KLRB1: variants seen among roughly 807,000 people sequenced by gnomAD.
KLRB1 encodes killer cell lectin like receptor B1, also known as killer cell lectin-like receptor subfamily B member 1.
In KLRB1, 27 loss-of-function variants were observed where a neutral mutation model predicts 33.5. The ratio of observed to expected loss-of-function variants is 0.81; its 90% CI spans 0.59 to 1.11. KLRB1 has a LOEUF of 1.11. KLRB1 is among the 50% of genes most tolerant of loss of function. The pLI is 0.00. For missense variants in KLRB1, 241 were observed against 254.1 expected (o/e 0.95, Z 0.35); for synonymous variants, 64 against 88.9 (o/e 0.72, Z 1.58).
intron 3 of KLRB1, among the ~76,000 whole-genome samples, chr12:9,599,563 A>T (rs972161163): frequency 6.6e-6 from 1 of 152,234 alleles, no homozygotes; most frequent in African/African-American, 2.4e-5. Context: ...GACCACTTAC[A>T]TATAATTCCC....
chr12:9,598,771 T>G, intron 3 of KLRB1, 118 bp from the exon 4 acceptor site: 1 of 617,792 alleles, frequency 1.6e-6, no homozygotes, highest in South Asian at 3.6e-5. Context: ...TGATTATCAC[T>G]GTGAGAACAA....
intron 1 of KLRB1, among the ~76,000 whole-genome samples, chr12:9,607,335 C>CTTTCTTCCTTCCTTTCTTTCTTT (rs1491505010): frequency 5.7e-4 from 37 of 65,252 alleles, no homozygotes; most frequent in Non-Finnish European, 1.1e-3. Context: ...CTCTTTCTTT[C>CTTTCTTCCTTCCTTTCTTTCTTT]CTTTCTTTCT....
At chr12:9,596,677 C>G (rs921782632) in intron 5 of KLRB1, among the ~76,000 whole-genome samples, 1 of 152,180 alleles carries the variant, frequency 6.6e-6, no homozygotes, top group African/African-American at 2.4e-5. Context: ...TTCCTCCATC[C>G]ACTTTACACA....
chr12:9,605,020 G>A (rs1003298094), intron 1 of KLRB1, among the ~76,000 whole-genome samples: 16 of 152,174 alleles, frequency 1.1e-4, no homozygotes, highest in African/African-American at 3.9e-4. Flanking sequence ...CCTGGTGTGT[G>A]ATGTTCCCTG....
chr12:9,607,378 T>TTCTC (rs745796928), intron 1 of KLRB1, among the ~76,000 whole-genome samples: 1,650 of 93,004 alleles, frequency 0.018, 45 homozygotes, highest in Middle Eastern at 0.042. Flanking sequence ...CTTTCTTTCT[T>TTCTC]TCTTTCTTTC....
In KLRB1 at chr12:9,607,331, C is replaced by T. The variant is rs1416998619; in HGVS notation, c.85+424G>A. ...TTTCTTTCTTCTTTTCTTTCTCTTT[C>T]TTTCCTTTCTTTCTTTCTTTCTTCC... On this transcript the variant is annotated intron_variant, in intron 1 of 5. Coordinates refer to ENST00000229402, the MANE Select transcript of KLRB1 (RefSeq NM_002258.3). Among the ~76,000 whole-genome samples, 4 of 42,782 alleles carry T rather than the reference C, an allele frequency of 9.3e-5. 1 individual carries two copies. Among genetic ancestry groups the T allele is most frequent in the Non-Finnish European group, 2.3e-4 (4 of 17,170 alleles). The allele number at this position is 42,782 out of a possible 152,430, so 28.1% of individuals were successfully genotyped here.
chr12:9,594,987 A>G lies in KLRB1; in HGVS notation c.*287T>C, dbSNP rs1022784583. The G allele has an allele frequency of 6.1e-6, 2 of 327,266 alleles. No individual in the cohort carries two copies. The highest frequency in any genetic ancestry group is 2.1e-5 in the African/African-American group (1 of 46,924). 20.3% of individuals were successfully genotyped at this position (327,266 alleles called of 1,614,324 possible). On this transcript the variant is annotated 3_prime_UTR_variant, in exon 6 of 6. Coordinates refer to ENST00000229402, the MANE Select transcript of KLRB1 (RefSeq NM_002258.3). ...TCTCCACTGTTTTAAACACAAAACAATCATATACCAATCTGGCATATTCGG... is the reference window on the plus strand; with the variant it reads ...TCTCCACTGTTTTAAACACAAAACAGTCATATACCAATCTGGCATATTCGG...
intron 1 of KLRB1, among the ~76,000 whole-genome samples, chr12:9,607,332 T>TTTCCTTTCTTTCTTTCTTCC (rs1414649904): frequency 1.9e-4 from 11 of 58,686 alleles, no homozygotes; most frequent in African/African-American, 4.5e-4. Context: ...TTTCTCTTTC[T>TTTCCTTTCTTTCTTTCTTCC]TTCCTTTCTT....
At chr12:9,605,616 A>G (rs1475327357) in intron 1 of KLRB1, among the ~76,000 whole-genome samples, 1 of 152,216 alleles carries the variant, frequency 6.6e-6, no homozygotes, top group Admixed American at 6.5e-5. Flanking sequence ...ATTTGGCCAT[A>G]AGCAAGATCG....
At chr12:9,598,813 C>A (rs769793106) in intron 3 of KLRB1, among the ~76,000 whole-genome samples, 160 bp from the exon 4 acceptor site, 10 of 152,210 alleles carry the variant, frequency 6.6e-5, no homozygotes, top group African/African-American at 2.2e-4. Flanking sequence ...ATTTTTGAGA[C>A]CTACTGTTCA....
chr12:9,605,858 C>T (rs1864593720), intron 1 of KLRB1, among the ~76,000 whole-genome samples: 1 of 152,132 alleles, frequency 6.6e-6, no homozygotes, highest in South Asian at 2.1e-4. Flanking sequence ...ATAATTATTA[C>T]AATCCAAGTA....
chr12:9,603,117 G>C (rs1864562321), intron 1 of KLRB1, among the ~76,000 whole-genome samples: 1 of 152,118 alleles, frequency 6.6e-6, no homozygotes, highest in Non-Finnish European at 1.5e-5. Flanking sequence ...TCAGTGGAGG[G>C]GGGCAGGGAG....
intron 3 of KLRB1, among the ~76,000 whole-genome samples, chr12:9,599,355 T>C (rs1374521357): frequency 5.9e-5 from 9 of 152,224 alleles, no homozygotes; most frequent in African/African-American, 2.2e-4. Context: ...CTAATGTGGC[T>C]GCATGGTGAG....
At chr12:9,597,830 T>C (rs908822738) in intron 5 of KLRB1, among the ~76,000 whole-genome samples, 3 of 152,142 alleles carry the variant, frequency 2.0e-5, no homozygotes, top group Admixed American at 6.6e-5. Flanking sequence ...TAAAACTCCA[T>C]TGCAGATAAA....
intron 2 of KLRB1, among the ~76,000 whole-genome samples, chr12:9,600,662 G>A (rs1399525889): frequency 6.6e-6 from 1 of 152,180 alleles, no homozygotes; most frequent in Admixed American, 6.5e-5. Context: ...TAAGGGCGGT[G>A]CAAGATGTGC....
At chr12:9,600,089 A>G (rs1864524793) in intron 2 of KLRB1, among the ~76,000 whole-genome samples, 1 of 152,170 alleles carries the variant, frequency 6.6e-6, no homozygotes, top group African/African-American at 2.4e-5. Context: ...CTACTAGGTA[A>G]GTCAATCTAA....
At chr12:9,603,755 A>G (rs1864570938) in intron 1 of KLRB1, among the ~76,000 whole-genome samples, 1 of 152,062 alleles carries the variant, frequency 6.6e-6, no homozygotes, top group Admixed American at 6.6e-5. Context: ...TACTAACATG[A>G]ATTTAGTAAT....
chr12:9,602,982 G>A (rs4763655), intron 1 of KLRB1, among the ~76,000 whole-genome samples: 48,934 of 151,934 alleles, frequency 0.32, 8,801 homozygotes, highest in South Asian at 0.51. Flanking sequence ...TCTCTAAAAC[G>A]GCCCTGAGGA....
rs753326044 is a variant in KLRB1 at position 9,598,527 on chromosome 12, A to G, written c.386T>C (p.Leu129Pro). ...LADCSTKESS[L>P]LLIRDKDELI... ...TTCATCCTTATCTCGAATAAGCAGC[A>G]GGCTGGATTCTTTGGTGGAACAATC... The change falls in exon 4 of 6, where the codon CTG becomes CCG. Residue 129 changes from leucine (L) to proline (P), a missense_variant. Coordinates refer to ENST00000229402, the MANE Select transcript of KLRB1 (RefSeq NM_002258.3). 3 of 1,612,286 alleles carry G rather than the reference A, an allele frequency of 1.9e-6. No homozygotes were observed. The highest frequency in any genetic ancestry group is 2.2e-5 in the South Asian group (2 of 90,924).
Sources: allele counts gnomAD v4.1 joint callset (sites outside exome capture counted in the v4.1 genomes callset), GRCh38; gene constraint gnomAD v4.1.1; transcripts MANE v1.5; gene names NCBI Gene and HGNC (gene_info 2026-07-23, HGNC 2026-07-21).